Variants in VPS13B observed in about 807,000 individuals in gnomAD.
The protein encoded by VPS13B is vacuolar protein sorting 13 homolog B, also known as intermembrane lipid transfer protein VPS13B.
In VPS13B, 285 loss-of-function variants were observed where a neutral mutation model predicts 426.4. The ratio of observed to expected loss-of-function variants is 0.67; its 90% CI spans 0.61 to 0.74. The LOEUF is 0.74. VPS13B is among the 30% of genes least tolerant of loss of function. VPS13B has a pLI of 0.00. For missense variants in VPS13B, 4,537 were observed against 4,782.6 expected (o/e 0.95, Z 1.51); for synonymous variants, 1,676 against 1,676.4 (o/e 1.00, Z 0.01).
rs1470798421 is a variant in VPS13B at position 99,028,512 on chromosome 8, C to T, written c.148-9911C>T. On this transcript the variant is annotated intron_variant, in intron 2 of 61. Coordinates refer to ENST00000357162, the MANE Select transcript of VPS13B (RefSeq NM_152564.5). Reference sequence around the variant, plus strand: ...CTCCTGGATGGGGCGGCTGGCCGGGCGGGGGGCTGACCCCCCCCCCCACCT... The same window carrying T: ...CTCCTGGATGGGGCGGCTGGCCGGGTGGGGGGCTGACCCCCCCCCCCACCT... Among the ~76,000 whole-genome samples the T allele has an allele frequency of 5.7e-3, 221 of 38,822 alleles. 26 individuals are homozygous for T. The highest frequency in any genetic ancestry group is 6.9e-3 in the Non-Finnish European group (130 of 18,816). The allele number at this position is 38,822 out of a possible 152,430, so 25.5% of individuals were successfully genotyped here.
At position 99,766,879 on chromosome 8, in the gene VPS13B, A is replaced by G. The variant is rs370689956; in HGVS notation, c.7156A>G (p.Ile2386Val). 2.8e-5 allele frequency: 45 copies of G among 1,613,984 alleles called. No homozygotes were observed. Among genetic ancestry groups the G allele is most frequent in the Non-Finnish European group, 3.3e-5 (39 of 1,179,992 alleles). ...AGTTTGTGAACTGCAGTTGCCGGAT[A>G]TCAATCTCGTGAATGACCAGAAGAA... ...SKVCELQLPD[I>V]NLVNDQKKLV... Residue 2386 changes from isoleucine to valine, a missense_variant, in exon 40 of 62, where the codon ATC becomes GTC. Ile to Val is a conservative substitution (Grantham distance 29). Transcript: ENST00000357162.
At chr8:99,717,510 A>G (rs1302989501) in intron 37 of VPS13B, 137 bp downstream of exon 37, 2 of 816,814 alleles carry the variant, frequency 2.4e-6, no homozygotes, top group Non-Finnish European at 4.1e-6. Context: ...TAAATTTTCA[A>G]CAACTTTATT....
intron 35 of VPS13B, among the ~76,000 whole-genome samples, chr8:99,693,762 G>A (rs1831803244): frequency 6.8e-6 from 1 of 146,020 alleles, no homozygotes; most frequent in African/African-American, 2.5e-5. Flanking sequence ...AATTGTCCCT[G>A]TTTGCAGACG....
Position 99,500,854 on chromosome 8 carries a change from C to CTTT in VPS13B, c.3871-832_3871-830dup, listed in dbSNP as rs575570231. On this transcript the variant is annotated intron_variant, in intron 25 of 61. Coordinates refer to ENST00000357162, the MANE Select transcript of VPS13B (RefSeq NM_152564.5). Reference sequence around the variant, plus strand: ...TGCATTTGAGACTGAAGCTGTTCAACTTTAAATAAAAGGGTTTATTTTATT... The same window carrying CTTT: ...TGCATTTGAGACTGAAGCTGTTCAACTTTTTTAAATAAAAGGGTTTATTTTATT... 7.2e-5 allele frequency among the ~76,000 whole-genome samples: 11 copies of CTTT among 152,242 alleles called. No individual in the cohort carries two copies. In the South Asian group the frequency reaches 2.3e-3, roughly 32 times the overall value.
At chr8:99,287,218 G>GTATC (rs201788276) in intron 19 of VPS13B, among the ~76,000 whole-genome samples, 4,112 of 141,418 alleles carry the variant, frequency 0.029, 87 homozygotes, top group Non-Finnish European at 0.036. Context: ...ATGTGTGTGT[G>GTATC]TATCTATCTG....
chr8:99,087,123 C>T (rs1040793515), intron 3 of VPS13B, among the ~76,000 whole-genome samples: 26 of 152,296 alleles, frequency 1.7e-4, no homozygotes, highest in South Asian at 6.2e-4. Flanking sequence ...GCTTCCAGGC[C>T]GCTTTGTTTA....
At chr8:99,059,222 T>C (rs1844045533) in intron 3 of VPS13B, among the ~76,000 whole-genome samples, 1 of 152,170 alleles carries the variant, frequency 6.6e-6, no homozygotes, top group Non-Finnish European at 1.5e-5. Context: ...TTGCAACTTC[T>C]GCTTCCTGGG....
chr8:99,493,181 C>A (rs1222804001), intron 25 of VPS13B, among the ~76,000 whole-genome samples: 1 of 152,124 alleles, frequency 6.6e-6, no homozygotes, highest in East Asian at 1.9e-4. Context: ...TATCTATAGT[C>A]ATGAGTGATA....
chr8:99,323,021 CAA>C (rs1810060110), intron 19 of VPS13B, among the ~76,000 whole-genome samples: 1 of 152,180 alleles, frequency 6.6e-6, no homozygotes, highest in African/African-American at 2.4e-5. Flanking sequence ...ATAATTATCA[CAA>C]GAGAGCCAAA....
Position 99,193,007 on chromosome 8 carries a change from G to A in VPS13B, c.2465G>A (p.Ser822Asn). 1 of 1,613,684 alleles carries A rather than the reference G, an allele frequency of 6.2e-7. No individual in the cohort carries two copies. The highest frequency in any genetic ancestry group is 8.5e-7 in the Non-Finnish European group (1 of 1,179,806). ...AGTTGGTCTCATCTTGGAAATGTCAGCTCTTCCGCAGTGATTGAAGCTTTG... is the reference window on the plus strand; with the variant it reads ...AGTTGGTCTCATCTTGGAAATGTCAACTCTTCCGCAGTGATTGAAGCTTTG... The part of the protein sequence containing the change: ...YQSWSHLGNV[S>N]SSAVIEALIN... Residue 822 changes from serine (S) to asparagine (N), a missense_variant, in exon 17 of 62, where the codon AGC (serine) becomes AAC (asparagine). By Grantham distance (46) the Ser-to-Asn change is conservative (BLOSUM62 1). Coordinates refer to ENST00000357162, the MANE Select transcript of VPS13B (RefSeq NM_152564.5).
Position 99,875,723 on chromosome 8 carries a change from G to T in VPS13B, c.*57G>T. 1.2e-6 allele frequency: 2 copies of T among 1,611,336 alleles called. No homozygotes were observed. Among genetic ancestry groups the T allele is most frequent in the South Asian group, 2.2e-5 (2 of 90,698 alleles). On this transcript the variant is annotated 3_prime_UTR_variant, in exon 62 of 62. Coordinates refer to ENST00000357162, the MANE Select transcript of VPS13B (RefSeq NM_152564.5). ...TGATTTAGTTTTTGGGTTTCTTTGA[G>T]ACAGGGTCTCACTGCATTGCCCTTG...
chr8:99,687,576 A>T (rs77829550), intron 35 of VPS13B, among the ~76,000 whole-genome samples: 4,984 of 151,794 alleles, frequency 0.033, 109 homozygotes, highest in East Asian at 0.057. Flanking sequence ...GTACCAGCTG[A>T]GCTCTGCCTG....
chr8:99,035,147 CACTCCAGCCTGGGTG>C (rs1842686911), intron 2 of VPS13B, among the ~76,000 whole-genome samples: 1 of 150,886 alleles, frequency 6.6e-6, no homozygotes, highest in Non-Finnish European at 1.5e-5. Context: ...TGTGCCACTG[CACTCCAGCCTGGGTG>C]ACAGAGTTAG....
chr8:99,827,522 A>AT (rs1437230097), intron 51 of VPS13B, among the ~76,000 whole-genome samples: 4 of 147,750 alleles, frequency 2.7e-5, no homozygotes, highest in Non-Finnish European at 3.0e-5. Context: ...AAAAAAAAAA[A>AT]GCAGCTCCTG....
chr8:99,369,474 G>A (rs927078684), intron 19 of VPS13B, among the ~76,000 whole-genome samples: 8 of 152,162 alleles, frequency 5.3e-5, no homozygotes, highest in African/African-American at 1.4e-4. Context: ...GAGGCAGTGG[G>A]CACGAGTCTG....
intron 19 of VPS13B, chr8:99,340,411 C>G (rs1332527445): frequency 8.6e-6 from 4 of 467,670 alleles, no homozygotes; most frequent in Non-Finnish European, 1.7e-5. Context: ...CTAAAAACTT[C>G]AGAAAAGATC....
At chr8:99,269,035 G>A (rs1818444886) in intron 17 of VPS13B, among the ~76,000 whole-genome samples, 1 of 152,076 alleles carries the variant, frequency 6.6e-6, no homozygotes, top group African/African-American at 2.4e-5. Context: ...GCCACCTTGT[G>A]AAGAAGGACG....
In VPS13B at chr8:99,602,352, T is replaced by C. The variant is rs1221149387; in HGVS notation, c.5220+24719T>C. On this transcript the variant is annotated intron_variant, in intron 33 of 61. Coordinates refer to ENST00000357162, the MANE Select transcript of VPS13B (RefSeq NM_152564.5). ...TGAGACCTCTTTTCTGTTCCATTGG[T>C]CTATATATCAATTTTGGTACCAGTA... Among the ~76,000 whole-genome samples, 3 of 152,290 alleles carry C rather than the reference T, an allele frequency of 2.0e-5. No homozygotes were observed. The East Asian group carries it at 5.8e-4, about 29-fold the overall frequency.
intron 17 of VPS13B, among the ~76,000 whole-genome samples, chr8:99,223,743 T>G (rs1815859204): frequency 6.6e-6 from 1 of 152,226 alleles, no homozygotes; most frequent in Non-Finnish European, 1.5e-5. Flanking sequence ...CGTATTTTCA[T>G]ATGTGTATAA....
Sources: gnomAD v4.1 joint callset for allele counts (sites outside exome capture counted in the v4.1 genomes callset) on GRCh38, gnomAD v4.1.1 for gene constraint, MANE v1.5 for transcripts, NCBI Gene and HGNC (gene_info 2026-07-23, HGNC 2026-07-21) for gene names.